The following CHD6 variants were observed in gnomAD, a reference collection of about 807,000 sequenced individuals.
CHD6 encodes the protein ATP-dependent chromatin remodeler CHD6.
A neutral mutation model predicts 276.9 loss-of-function variants in CHD6; 50 were observed. That is an observed-to-expected ratio of 0.18 (90% CI 0.14 to 0.23). The LOEUF (loss-of-function observed/expected upper bound fraction) is 0.23, where lower values mean the gene tolerates loss of function less well. Ranked by LOEUF, CHD6 falls within the 10% of genes least tolerant of loss-of-function variation. The pLI is 1.00. For synonymous variants in CHD6, 1,173 were observed against 1,229.3 expected (o/e 0.95, Z 0.96); for missense variants, 2,564 against 3,365.8 (o/e 0.76, Z 5.89).
intron 27 of CHD6, among the ~76,000 whole-genome samples, chr20:41,435,874 G>A (rs781019462): frequency 6.6e-6 from 1 of 152,140 alleles, no homozygotes; most frequent in Non-Finnish European, 1.5e-5. Flanking sequence ...TATTGCTACG[G>A]CACTCAGGAT....
At chr20:41,556,326 CTT>C (rs537227082) in intron 1 of CHD6, among the ~76,000 whole-genome samples, 6 of 102,228 alleles carry the variant, frequency 5.9e-5, no homozygotes, top group Non-Finnish European at 7.8e-5. Context: ...GAGAGGGCAC[CTT>C]TTTTTTTTTT....
At chr20:41,407,642 C>T (rs1048680296) in intron 36 of CHD6, among the ~76,000 whole-genome samples, 3 of 152,198 alleles carry the variant, frequency 2.0e-5, no homozygotes, top group Admixed American at 6.5e-5. Context: ...GCAGCTGTAA[C>T]CTTAGCTGGT....
intron 1 of CHD6, among the ~76,000 whole-genome samples, chr20:41,586,844 G>C (rs1181758642): frequency 6.6e-6 from 1 of 152,148 alleles, no homozygotes; most frequent in Non-Finnish European, 1.5e-5. Context: ...TTGATAAAAG[G>C]CATTGACAAA....
intron 2 of CHD6, among the ~76,000 whole-genome samples, chr20:41,539,071 G>C (rs2146101401): frequency 6.6e-6 from 1 of 152,262 alleles, no homozygotes; most frequent in South Asian, 2.1e-4. Flanking sequence ...CCAGCAATTA[G>C]AACTCCCTGC....
chr20:41,514,348 A>G (rs1462063226), intron 4 of CHD6, among the ~76,000 whole-genome samples: 1 of 152,220 alleles, frequency 6.6e-6, no homozygotes, highest in African/African-American at 2.4e-5. Flanking sequence ...TCTGGTTTAG[A>G]TGGGCAACTC....
At chr20:41,475,264 A>G (rs1293011759) in intron 16 of CHD6, among the ~76,000 whole-genome samples, 1 of 152,224 alleles carries the variant, frequency 6.6e-6, no homozygotes, top group African/African-American at 2.4e-5. Context: ...TCCTCATTTT[A>G]CACTTAGGAA....
intron 17 of CHD6, among the ~76,000 whole-genome samples, chr20:41,468,868 A>T (rs1042456435): frequency 6.6e-6 from 1 of 152,040 alleles, no homozygotes; most frequent in African/African-American, 2.4e-5. Context: ...TACAAAAATT[A>T]GCCAGGCATG....
chr20:41,604,736 C>T (rs761705158), intron 1 of CHD6, among the ~76,000 whole-genome samples: 2 of 152,150 alleles, frequency 1.3e-5, no homozygotes, highest in Admixed American at 1.3e-4. Flanking sequence ...CCACCTGTGG[C>T]GGGGAGCACA....
rs1277886189 is a variant in CHD6 at position 41,533,396 on chromosome 20, T to C, written c.208A>G (p.Thr70Ala). ...DLYTAEEEAA[T>A]LFPRKMTSHN... ...GATGTCATTTTCCTAGGAAAAAGGGTAGCAGCTTCCTCTTCAGCAGTATAC... is the reference window on the plus strand; with the variant it reads ...GATGTCATTTTCCTAGGAAAAAGGGCAGCAGCTTCCTCTTCAGCAGTATAC... Residue 70 changes from threonine to alanine, a missense_variant, in exon 3 of 37, where the codon ACC becomes GCC. Thr to Ala is a moderately conservative substitution (Grantham distance 58). Around this residue, in one of 7 missense-constraint regions of CHD6, gnomAD observed 286 missense variants for 297.8 expected, o/e 0.96. Transcript: ENST00000373233. The C allele has an allele frequency of 1.2e-6, 2 of 1,613,920 alleles. No homozygotes were observed. Among genetic ancestry groups the C allele is most frequent in the Admixed American group, 1.7e-5 (1 of 59,998 alleles).
chr20:41,486,215 T>G (rs2043410865), intron 14 of CHD6: 1 of 152,204 alleles, frequency 6.6e-6, no homozygotes, highest in Non-Finnish European at 1.5e-5. Flanking sequence ...GTTCAGCTTT[T>G]GCCCTTCTCT....
chr20:41,613,805 T>G (rs999136819), intron 1 of CHD6, among the ~76,000 whole-genome samples: 8 of 152,166 alleles, frequency 5.3e-5, no homozygotes, highest in African/African-American at 1.9e-4. Context: ...CAATGGATTG[T>G]CCGCCTATAA....
intron 27 of CHD6, among the ~76,000 whole-genome samples, chr20:41,429,352 G>A (rs1047214836): frequency 2.0e-5 from 3 of 152,156 alleles, no homozygotes; most frequent in South Asian, 2.1e-4. Flanking sequence ...CTGGCTGCAC[G>A]TGACATCTGT....
At chr20:41,472,719 T>C (rs2043083152) in intron 17 of CHD6, among the ~76,000 whole-genome samples, 1 of 152,204 alleles carries the variant, frequency 6.6e-6, no homozygotes, top group Non-Finnish European at 1.5e-5. Flanking sequence ...TATGTTAGCT[T>C]TCAAAAAATA....
rs1256314036 is a variant in CHD6 at position 41,519,853 on chromosome 20, A to G, written c.555-4901T>C. ...TCTAATTAAACTAAAGAGCTTCTGC[A>G]CAGCAAAAAAACTACCATCAGAGTG... On this transcript the variant is annotated intron_variant, in intron 3 of 36. Transcript: ENST00000373233. Among the ~76,000 whole-genome samples the G allele has an allele frequency of 3.3e-5, 5 of 152,248 alleles. No individual in the cohort carries two copies. The East Asian group carries it at 5.8e-4, about 18-fold the overall frequency.
intron 8 of CHD6, among the ~76,000 whole-genome samples, chr20:41,496,441 T>C (rs1280863851): frequency 6.6e-6 from 1 of 152,222 alleles, no homozygotes; most frequent in Admixed American, 6.5e-5. Flanking sequence ...TCTCTGCGCA[T>C]GTGGGAAGTT....
chr20:41,536,255 T>C (rs768880364), intron 2 of CHD6, among the ~76,000 whole-genome samples: 1 of 152,172 alleles, frequency 6.6e-6, no homozygotes, highest in Non-Finnish European at 1.5e-5. Context: ...ACAGTTTAAA[T>C]AGAGACAAGA....
chr20:41,539,355 C>A (rs1341002396), intron 2 of CHD6, among the ~76,000 whole-genome samples: 1 of 152,204 alleles, frequency 6.6e-6, no homozygotes, highest in Admixed American at 6.5e-5. Flanking sequence ...TCCTCCTGAT[C>A]AAGGCTCTCC....
Position 41,416,665 on chromosome 20 carries a change from G to A in CHD6, c.6409C>T (p.Arg2137Ter). 1 of 1,614,014 alleles carries A rather than the reference G, an allele frequency of 6.2e-7. No individual in the cohort carries two copies. The highest frequency in any genetic ancestry group is 8.5e-7 in the Non-Finnish European group (1 of 1,179,968). ...TPVLTSSAGS[R>*]TSLSEPEAAE... is the part of the protein sequence containing the mutation. The stretch of plus-strand genomic sequence containing the variant: ...GCTTCCGGCTCTGAGAGGCTGGTTC[G>A]AGAACCAGCACTGCTGGTTAATACC... Residue 2137 changes from arginine (R) to a stop codon, truncating the protein, a stop_gained, in exon 33 of 37, where the codon CGA becomes TGA. Transcript: ENST00000373233. LOFTEE classifies it high-confidence loss of function.
At chr20:41,508,940 T>C (rs1321359867) in intron 5 of CHD6, among the ~76,000 whole-genome samples, 2 of 152,200 alleles carry the variant, frequency 1.3e-5, no homozygotes, top group African/African-American at 2.4e-5. Flanking sequence ...GTTTTAAACA[T>C]ATTTATTCAC....
Sources: allele counts gnomAD v4.1 joint callset (sites outside exome capture counted in the v4.1 genomes callset), GRCh38; gene constraint gnomAD v4.1.1; regional missense constraint gnomAD v4.1.1; transcripts MANE v1.5; gene names NCBI Gene and HGNC (gene_info 2026-07-23, HGNC 2026-07-21).